The following FAM167A variants were observed in gnomAD, a reference collection of about 807,000 sequenced individuals.
The protein encoded by FAM167A is protein FAM167A.
FAM167A carries 23 observed loss-of-function variants against 14.9 expected under a neutral mutation model. That is an observed-to-expected ratio of 1.55 (90% CI 1.11 to 2.19). The LOEUF (loss-of-function observed/expected upper bound fraction) is 2.19. Ranked by LOEUF, FAM167A falls within the 30% of genes most tolerant of loss-of-function variation. The pLI is 0.00. For missense variants in FAM167A, 401 were observed against 281.5 expected (o/e 1.42, Z -3.04); for synonymous variants, 174 against 117.7 (o/e 1.48, Z -3.10).
chr8:11,457,974 G>C (rs1807400497), intron 1 of FAM167A, among the ~76,000 whole-genome samples: 1 of 152,210 alleles, frequency 6.6e-6, no homozygotes, highest in Non-Finnish European at 1.5e-5. Context: ...CCGAGCACAG[G>C]GCCCTGTAAA....
chr8:11,457,026 G>A (rs1327350077), intron 1 of FAM167A, among the ~76,000 whole-genome samples: 1 of 122,394 alleles, frequency 8.2e-6, no homozygotes, highest in African/African-American at 3.2e-5. Flanking sequence ...GCTGGGTTAG[G>A]GGTATGGGCG....
At chr8:11,440,436 A>G (rs1806368707) in intron 2 of FAM167A, among the ~76,000 whole-genome samples, 1 of 152,188 alleles carries the variant, frequency 6.6e-6, no homozygotes, top group African/African-American at 2.4e-5. Flanking sequence ...GACCCCTGAG[A>G]GCTGTTAGGA....
intron 1 of FAM167A, among the ~76,000 whole-genome samples, chr8:11,448,124 G>A (rs763588379): frequency 1.3e-5 from 2 of 151,904 alleles, no homozygotes; most frequent in African/African-American, 2.4e-5. Flanking sequence ...AAACCAGGAG[G>A]CAGAGGTTGC....
chr8:11,469,878 T>C (rs1411657173), upstream of FAM167A, among the ~76,000 whole-genome samples: 1 of 121,340 alleles, frequency 8.2e-6, no homozygotes, highest in African/African-American at 3.2e-5. Context: ...AGACCCTGTC[T>C]CAAAAATAAA....
At position 11,422,485 on chromosome 8, in the gene FAM167A, T is replaced by C. The variant is rs958357405; in HGVS notation, c.*1888A>G. The C allele has an allele frequency of 1.3e-5, 2 of 152,604 alleles. No individual in the cohort carries two copies. The highest frequency in any genetic ancestry group is 4.8e-5 in the African/African-American group (2 of 41,462). The allele number at this position is 152,604 out of a possible 1,614,324, so 9.5% of individuals were successfully genotyped here. On this transcript the variant is annotated 3_prime_UTR_variant, in exon 3 of 3. Coordinates refer to ENST00000284486, the MANE Select transcript of FAM167A (RefSeq NM_053279.3). ...TGCGTCTTCAGGACTTGGCAGTGTT[T>C]GTGCAGAGCTCTGAGGAAGGACAGC...
At position 11,444,645 on chromosome 8, in the gene FAM167A, C is replaced by T; in HGVS notation, c.-234G>A. The T allele has an allele frequency of 7.6e-7, 1 of 1,309,894 alleles. No homozygotes were observed. Among genetic ancestry groups the T allele is most frequent in the Non-Finnish European group, 9.7e-7 (1 of 1,032,414 alleles). The allele number at this position is 1,309,894 out of a possible 1,614,324, so 81.1% of individuals were successfully genotyped here. A position where few individuals can be genotyped will look rare whatever the true frequency, so the allele number is the denominator to read the frequency against. On this transcript the variant is annotated 5_prime_UTR_variant, in exon 2 of 3. Coordinates refer to ENST00000284486, the MANE Select transcript of FAM167A (RefSeq NM_053279.3). ...TCGGGTCTATGATCCGTCCTGGAAG[C>T]CTGTGGGTGCCATGCTCCACAGAAG...
At chr8:11,452,484 G>C in intron 1 of FAM167A, among the ~76,000 whole-genome samples, 1 of 152,300 alleles carries the variant, frequency 6.6e-6, no homozygotes, top group Middle Eastern at 3.4e-3. Context: ...CAGAGGGAGA[G>C]GGGGTGAGCA....
At chr8:11,440,736 A>C (rs898235558) in intron 2 of FAM167A, among the ~76,000 whole-genome samples, 3 of 152,226 alleles carry the variant, frequency 2.0e-5, no homozygotes, top group African/African-American at 7.2e-5. Flanking sequence ...AGAACAAACA[A>C]CACATTTGCA....
chr8:11,449,802 G>A (rs67539049), intron 1 of FAM167A, among the ~76,000 whole-genome samples: 23,362 of 152,208 alleles, frequency 0.15, 2,132 homozygotes, highest in Non-Finnish European at 0.21. Context: ...GCGGCTCCTT[G>A]GAGGAGCCTT....
rs187630145 is a variant in FAM167A, at chr8:11,451,381, C to A, written c.-397-6573G>T. On this transcript the variant is annotated intron_variant, in intron 1 of 2. Transcript: ENST00000284486. ...CAGCGTATACCTTCCGCCTTTTTTG[C>A]TTCAGCTACTTGGAGATGGGGTTTC... is the stretch of plus-strand genomic sequence containing the variant. 4.2e-5 allele frequency among the ~76,000 whole-genome samples: 6 copies of A among 141,444 alleles called. No homozygotes were observed. The East Asian group carries it at 1.2e-3, about 27-fold the overall frequency. The allele number at this position is 141,444 out of a possible 152,430, so 92.8% of individuals were successfully genotyped here. A position where few individuals can be genotyped will look rare whatever the true frequency, so the allele number is the denominator to read the frequency against.
At chr8:11,474,095 G>C (rs1272506685) in intron 1 of FAM167A, among the ~76,000 whole-genome samples, 1 of 152,060 alleles carries the variant, frequency 6.6e-6, no homozygotes, top group Non-Finnish European at 1.5e-5. Context: ...GGCTGATCTT[G>C]AACCCCTGAC....
At chr8:11,436,685 T>C (rs918294097) in intron 2 of FAM167A, among the ~76,000 whole-genome samples, 4 of 152,226 alleles carry the variant, frequency 2.6e-5, no homozygotes, top group Non-Finnish European at 4.4e-5. Context: ...AACTGTCCTA[T>C]GGAAATGGAG....
intron 2 of FAM167A, among the ~76,000 whole-genome samples, chr8:11,431,049 C>T (rs535676003): frequency 1.3e-5 from 2 of 152,306 alleles, no homozygotes; most frequent in South Asian, 4.1e-4. Context: ...ATGGCAATGC[C>T]ACTCCAGGTA....
chr8:11,453,835 C>A (rs1807123408), intron 1 of FAM167A, among the ~76,000 whole-genome samples: 1 of 152,210 alleles, frequency 6.6e-6, no homozygotes. Flanking sequence ...CACATAAACA[C>A]TGCAGGGAAG....
chr8:11,432,738 A>G (rs1202561630), intron 2 of FAM167A, among the ~76,000 whole-genome samples: 1 of 152,270 alleles, frequency 6.6e-6, no homozygotes, highest in Non-Finnish European at 1.5e-5. Context: ...ATTATAAATC[A>G]TTCTATGATA....
At position 11,444,863 on chromosome 8, in the gene FAM167A, G is replaced by A. The variant is rs924572868; in HGVS notation, c.-397-55C>T. 5.1e-6 allele frequency: 5 copies of A among 985,842 alleles called. No homozygotes were observed. In the African/African-American group the frequency reaches 8.7e-5, roughly 17 times the overall value. The allele number at this position is 985,842 out of a possible 1,614,324, so 61.1% of individuals were successfully genotyped here. A position where few individuals can be genotyped will look rare whatever the true frequency, so the allele number is the denominator to read the frequency against. On this transcript the variant is annotated intron_variant, in intron 1 of 2. Transcript: ENST00000284486. ...CCGATCCCTGCCCTGCCACTCAGAG[G>A]CGGGCACGTCCACTCCACAGGAGGG...
At chr8:11,456,249 T>TGCTGG (rs1807289932) in intron 1 of FAM167A, among the ~76,000 whole-genome samples, 1 of 4,426 alleles carries the variant, frequency 2.3e-4, no homozygotes, top group Non-Finnish European at 5.2e-4. Flanking sequence ...GTTGCCTTGC[T>TGCTGG]GTGTGTGTGA....
At chr8:11,427,401 C>G (rs1261943018) in intron 2 of FAM167A, among the ~76,000 whole-genome samples, 1 of 152,200 alleles carries the variant, frequency 6.6e-6, no homozygotes, top group African/African-American at 2.4e-5. Flanking sequence ...TCCTACTTGA[C>G]TCGAGATCTG....
upstream of FAM167A, among the ~76,000 whole-genome samples, chr8:11,472,035 G>C (rs899364): frequency 6.6e-6 from 1 of 152,098 alleles, no homozygotes; most frequent in African/African-American, 2.4e-5. Context: ...GTCAAGGCAG[G>C]AGGAAAGAAC....
Sources: gnomAD v4.1 joint callset for allele counts (sites outside exome capture counted in the v4.1 genomes callset) on GRCh38, gnomAD v4.1.1 for gene constraint, MANE v1.5 for transcripts, NCBI Gene and HGNC (gene_info 2026-07-23, HGNC 2026-07-21) for gene names.